Variants in ANKFN1 observed in about 807,000 individuals in gnomAD.
ANKFN1 encodes the protein ankyrin repeat and fibronectin type-III domain-containing protein 1.
A neutral mutation model predicts 108.7 loss-of-function variants in ANKFN1; 74 were observed. The observed-to-expected ratio is 0.68, with a 90% CI of 0.56 to 0.83. The LOEUF (loss-of-function observed/expected upper bound fraction) is 0.83. ANKFN1 is among the 40% of genes least tolerant of loss of function. The probability of loss-of-function intolerance (pLI) is 0.00; values close to 1 mark genes in which losing one functional copy is unlikely to be tolerated. For missense variants in ANKFN1, 1,505 were observed against 1,382.3 expected (o/e 1.09, Z -1.41); for synonymous variants, 547 against 516.2 (o/e 1.06, Z -0.81).
chr17:56,494,467 C>T (rs2051134384), intron 19 of ANKFN1, among the ~76,000 whole-genome samples: 2 of 152,048 alleles, frequency 1.3e-5, no homozygotes, highest in Middle Eastern at 3.2e-3. Flanking sequence ...AGATCAGAAG[C>T]TGGTCCCAGA....
chr17:56,145,896 C>A (rs551675153), intron 4 of ANKFN1, among the ~76,000 whole-genome samples: 9 of 152,336 alleles, frequency 5.9e-5, no homozygotes, highest in African/African-American at 2.2e-4. Context: ...CTCATTCCAG[C>A]ATTAACTCAA....
At chr17:56,161,687 C>A (rs996300923) in intron 1 of ANKFN1, among the ~76,000 whole-genome samples, 1 of 151,360 alleles carries the variant, frequency 6.6e-6, no homozygotes, top group African/African-American at 2.4e-5. Flanking sequence ...ATTGCATAAA[C>A]CCTATAGAGG....
At chr17:56,249,069 G>T (rs1219587195) in intron 3 of ANKFN1, among the ~76,000 whole-genome samples, 1 of 152,102 alleles carries the variant, frequency 6.6e-6, no homozygotes, top group Non-Finnish European at 1.5e-5. Context: ...GAACAGCTCG[G>T]GGTATCATTC....
intron 4 of ANKFN1, among the ~76,000 whole-genome samples, chr17:56,124,893 C>T (rs954759735): frequency 6.6e-6 from 1 of 152,230 alleles, no homozygotes; most frequent in Non-Finnish European, 1.5e-5. Flanking sequence ...GACCTCCTGA[C>T]ATGCCTAATG....
chr17:56,249,932 G>C lies in ANKFN1; in HGVS notation c.53+21975G>C, dbSNP rs1278667251. On this transcript the variant is annotated intron_variant, in intron 3 of 20. Transcript: ENST00000682825. The stretch of plus-strand genomic sequence containing the variant: ...CTTCTGGATTTTCTGCTGCACCATT[G>C]TTAGCATTATTTCCAAGGAAAAAAC... Among the ~76,000 whole-genome samples, 9 of 152,250 alleles carry C rather than the reference G, an allele frequency of 5.9e-5. No homozygotes were observed. In the East Asian group the frequency reaches 1.7e-3, roughly 29 times the overall value.
At chr17:56,468,425 TG>T in intron 15 of ANKFN1, among the ~76,000 whole-genome samples, 1 of 151,622 alleles carries the variant, frequency 6.6e-6, no homozygotes, top group South Asian at 2.1e-4. Context: ...TTTCTTTCTC[TG>T]TTTTTTTTTT....
At chr17:56,128,929 C>A (rs1362032415) in intron 4 of ANKFN1, among the ~76,000 whole-genome samples, 3 of 152,146 alleles carry the variant, frequency 2.0e-5, no homozygotes, top group Non-Finnish European at 4.4e-5. Context: ...CTGAAGCTGC[C>A]TGCGTGGTCT....
In ANKFN1 at chr17:56,258,055, G is replaced by A. The variant is rs2043403767; in HGVS notation, c.53+30098G>A. On this transcript the variant is annotated intron_variant, in intron 3 of 20. Coordinates refer to ENST00000682825, the MANE Select transcript of ANKFN1 (RefSeq NM_001370326.1). ...GCTGCTAACAGGCTCTTCTCTTGGA[G>A]GTTTTCAATTTCAGCCAGAGTAAGA... is the stretch of plus-strand genomic sequence containing the variant. 4 of 152,308 alleles carry A rather than the reference G, an allele frequency of 2.6e-5. No individual in the cohort carries two copies. In the South Asian group the frequency reaches 8.3e-4, roughly 32 times the overall value. The allele number at this position is 152,308 out of a possible 1,614,324, so 9.4% of individuals were successfully genotyped here. A position where few individuals can be genotyped will look rare whatever the true frequency, so the allele number is the denominator to read the frequency against.
intron 8 of ANKFN1, among the ~76,000 whole-genome samples, chr17:56,426,608 A>AG (rs1183268714): frequency 6.6e-6 from 1 of 152,244 alleles, no homozygotes; most frequent in African/African-American, 2.4e-5. Context: ...AACACACAAA[A>AG]TAGAGATAAC....
intron 3 of ANKFN1, among the ~76,000 whole-genome samples, chr17:56,318,083 A>G (rs1339934979): frequency 1.3e-5 from 2 of 152,198 alleles, no homozygotes; most frequent in Non-Finnish European, 2.9e-5. Context: ...TTGGAATGAC[A>G]CAGTAGGTCA....
chr17:56,048,968 A>G (rs1904727607), intron 4 of ANKFN1, among the ~76,000 whole-genome samples: 1 of 152,218 alleles, frequency 6.6e-6, no homozygotes, highest in African/African-American at 2.4e-5. Context: ...AACATGTCTT[A>G]TAGTTTCCAC....
In ANKFN1 at chr17:56,511,235, C is replaced by A. The variant is rs1412744563; in HGVS notation, c.3407C>A (p.Ser1136Tyr). The A allele has an allele frequency of 1.3e-6, 2 of 1,532,674 alleles. No individual in the cohort carries two copies. Among genetic ancestry groups the A allele is most frequent in the South Asian group, 1.2e-5 (1 of 83,664 alleles). 94.9% of individuals were successfully genotyped at this position (1,532,674 alleles called of 1,614,324 possible). A position where few individuals can be genotyped will look rare whatever the true frequency, so the allele number is the denominator to read the frequency against. Residue 1136 changes from serine (S) to tyrosine (Y), a missense_variant, in exon 21 of 21, where the codon TCT becomes TAT. Physicochemically the swap from Ser to Tyr is moderately radical, Grantham distance 144 (BLOSUM62 -2). Coordinates refer to ENST00000682825, the MANE Select transcript of ANKFN1 (RefSeq NM_001370326.1). ...PDVSQEGPTA[S>Y]PMSEILSSML ...GTGAGTCAGGAGGGCCCCACCGCCT[C>A]TCCCATGTCAGAAATACTCAGCAGC...
chr17:56,389,496 G>A (rs937012342), intron 8 of ANKFN1, among the ~76,000 whole-genome samples: 3 of 152,190 alleles, frequency 2.0e-5, no homozygotes, highest in Non-Finnish European at 2.9e-5. Flanking sequence ...GGATAGGTAG[G>A]CATGTGTGTT....
chr17:56,401,356 G>A (rs62075341), intron 8 of ANKFN1, among the ~76,000 whole-genome samples: 9,922 of 91,802 alleles, frequency 0.11, 421 homozygotes, highest in Middle Eastern at 0.18. Context: ...GTATTGTATT[G>A]TATTGTATTG....
intron 19 of ANKFN1, among the ~76,000 whole-genome samples, chr17:56,492,764 C>T (rs2051083341): frequency 6.6e-6 from 1 of 152,062 alleles, no homozygotes; most frequent in Non-Finnish European, 1.5e-5. Context: ...TTATGTTAAC[C>T]CAGATCCAAT....
intron 8 of ANKFN1, among the ~76,000 whole-genome samples, chr17:56,421,096 G>C (rs528720915): frequency 6.6e-6 from 1 of 152,292 alleles, no homozygotes; most frequent in East Asian, 1.9e-4. Context: ...CTCAGGGCCT[G>C]TTTCTGCCCT....
At chr17:56,374,340 G>A (rs989237188) in intron 7 of ANKFN1, among the ~76,000 whole-genome samples, 3 of 152,144 alleles carry the variant, frequency 2.0e-5, no homozygotes, top group Admixed American at 6.6e-5. Flanking sequence ...ATCTCCTATC[G>A]TGTTTGCAGG....
chr17:56,097,458 C>A (rs1905556473), intron 4 of ANKFN1, among the ~76,000 whole-genome samples: 1 of 152,204 alleles, frequency 6.6e-6, no homozygotes, highest in Admixed American at 6.5e-5. Flanking sequence ...CAGTTTGTAA[C>A]CTCCAAAATG....
intron 3 of ANKFN1, among the ~76,000 whole-genome samples, chr17:56,314,088 C>T (rs2045126203): frequency 6.6e-6 from 1 of 152,196 alleles, no homozygotes; most frequent in South Asian, 2.1e-4. Flanking sequence ...GATTCATTCA[C>T]ATTATTGTAT....
Sources: allele counts gnomAD v4.1 joint callset (sites outside exome capture counted in the v4.1 genomes callset), GRCh38; gene constraint gnomAD v4.1.1; transcripts MANE v1.5; gene names NCBI Gene and HGNC (gene_info 2026-07-23, HGNC 2026-07-21).